Variants in ME1 observed in about 807,000 individuals in gnomAD.
ME1 encodes the protein malic enzyme 1, also known as NADP-dependent malic enzyme.
In ME1, 74 loss-of-function variants were observed where a neutral mutation model predicts 66.4. The ratio of observed to expected loss-of-function variants is 1.11; its 90% CI spans 0.92 to 1.35. ME1 has a LOEUF of 1.35. Among genes scored for constraint, ME1 ranks in the 40% most tolerant of loss-of-function variants. The pLI is 0.00. For missense variants in ME1, 750 were observed against 694.1 expected (o/e 1.08, Z -0.90); for synonymous variants, 251 against 235.6 (o/e 1.07, Z -0.60).
chr6:83,357,935 C>CTCTCTCTCTCTCTCTCTCTCTATATATA (rs1447805761), intron 3 of ME1, among the ~76,000 whole-genome samples: 2 of 30,038 alleles, frequency 6.7e-5, no homozygotes, highest in Non-Finnish European at 1.2e-4. Flanking sequence ...CTCTCTCTCT[C>CTCTCTCTCTCTCTCTCTCTCTATATATA]TATATATATA....
intron 6 of ME1, among the ~76,000 whole-genome samples, chr6:83,274,949 A>G (rs1767149149): frequency 6.6e-6 from 1 of 152,244 alleles, no homozygotes; most frequent in Admixed American, 6.5e-5. Flanking sequence ...AAAATGCCCC[A>G]GGAAAGTACA....
chr6:83,228,681 A>G, intron 10 of ME1, 145 bp downstream of exon 10: 1 of 557,320 alleles, frequency 1.8e-6, no homozygotes. Context: ...TTAAAAATCT[A>G]GGTCTCTACA....
chr6:83,352,213 A>C (rs1257346029), intron 3 of ME1, 74 bp from the exon 4 acceptor site: 4 of 964,452 alleles, frequency 4.1e-6, no homozygotes, highest in African/African-American at 3.5e-5. Flanking sequence ...GAATATCTTA[A>C]ATTTTTTTTC....
Position 83,227,433 on chromosome 6 carries a change from C to G in ME1, c.1177G>C (p.Asp393His). 6.2e-7 allele frequency: 1 copy of G among 1,602,732 alleles called. No individual in the cohort carries two copies. Among genetic ancestry groups the G allele is most frequent in the East Asian group, 2.2e-5 (1 of 44,634 alleles). Residue 393 changes from aspartate to histidine, a missense_variant, in exon 11 of 14, where the codon GAT (aspartate) becomes CAT (histidine). By Grantham distance (81) the Asp-to-His change is moderately conservative. Transcript: ENST00000369705. ...GGCCGTTCATTGAAGGCAGCCATATCTTTGAGAATTTGTTCTGAGAATGCA... is the reference window on the plus strand; with the variant it reads ...GGCCGTTCATTGAAGGCAGCCATATGTTTGAGAATTTGTTCTGAGAATGCA... ...GGAFSEQILK[D>H]MAAFNERPII...
intron 12 of ME1, among the ~76,000 whole-genome samples, chr6:83,220,661 G>A (rs1186807698): frequency 6.6e-6 from 1 of 152,106 alleles, no homozygotes; most frequent in African/African-American, 2.4e-5. Context: ...ATATAATCTA[G>A]ACAAGAAGTA....
intron 5 of ME1, among the ~76,000 whole-genome samples, chr6:83,342,807 C>T (rs551206150): frequency 6.6e-6 from 1 of 152,148 alleles, no homozygotes; most frequent in Non-Finnish European, 1.5e-5. Flanking sequence ...CTGCCTCAGC[C>T]TCCCAAGTAG....
At chr6:83,317,564 G>C (rs1353181525) in intron 5 of ME1, among the ~76,000 whole-genome samples, 1 of 151,670 alleles carries the variant, frequency 6.6e-6, no homozygotes, top group African/African-American at 2.4e-5. Context: ...GAGATTTTGG[G>C]CTGAGACAAT....
chr6:83,358,577 C>T (rs1372501260), intron 3 of ME1, among the ~76,000 whole-genome samples: 1 of 152,120 alleles, frequency 6.6e-6, no homozygotes, highest in Non-Finnish European at 1.5e-5. Flanking sequence ...CACAGCCTTG[C>T]CAGGTGTCTA....
chr6:83,297,316 A>G (rs901773761), intron 6 of ME1, among the ~76,000 whole-genome samples: 4 of 152,206 alleles, frequency 2.6e-5, no homozygotes, highest in African/African-American at 9.6e-5. Flanking sequence ...GAGACAACAC[A>G]AACAAATAGA....
At chr6:83,333,374 T>C (rs1178387382) in intron 5 of ME1, among the ~76,000 whole-genome samples, 2 of 152,200 alleles carry the variant, frequency 1.3e-5, no homozygotes, top group African/African-American at 4.8e-5. Context: ...ACATTTTAAA[T>C]GAACTCATAG....
At chr6:83,247,532 A>G (rs1790646957) in intron 7 of ME1, among the ~76,000 whole-genome samples, 1 of 149,618 alleles carries the variant, frequency 6.7e-6, no homozygotes, top group African/African-American at 2.4e-5. Context: ...AATGTGTTTA[A>G]AAAAAAAAAG....
chr6:83,332,386 C>A (rs1768431007), intron 5 of ME1, among the ~76,000 whole-genome samples: 1 of 152,170 alleles, frequency 6.6e-6, no homozygotes, highest in South Asian at 2.1e-4. Flanking sequence ...ACTATTCAAT[C>A]CAGCAATCCC....
rs1296058390 is a variant in ME1, at chr6:83,352,129, TAA to T, written c.371_372del (p.Phe124TyrfsTer28). 1 of 1,343,208 alleles carries T rather than the reference TAA, an allele frequency of 7.4e-7. No homozygotes were observed. The highest frequency in any genetic ancestry group is 1.0e-6 in the Non-Finnish European group (1 of 994,048). The allele number at this position is 1,343,208 out of a possible 1,614,324, so 83.2% of individuals were successfully genotyped here. A position where few individuals can be genotyped will look rare whatever the true frequency, so the allele number is the denominator to read the frequency against. On this transcript the variant is annotated frameshift_variant, in exon 4 of 14. Coordinates refer to ENST00000369705, the MANE Select transcript of ME1 (RefSeq NM_002395.6). LOFTEE classifies it high-confidence loss of function. ...ATATGCCCTCGATCGTGGATAGTAA[TAA>T]AGAGACCTCTGCAGAAAAAAAAAAA... is the stretch of plus-strand genomic sequence containing the variant. ...SLVFRKPRGL[F>X]ITIHDRGHIA...
chr6:83,235,704 C>A (rs1288527805), intron 9 of ME1, among the ~76,000 whole-genome samples: 1 of 152,026 alleles, frequency 6.6e-6, no homozygotes, highest in South Asian at 2.1e-4. Flanking sequence ...GATCTCCTGA[C>A]CTCGTGATCC....
chr6:83,321,985 C>G (rs988775131), intron 5 of ME1, among the ~76,000 whole-genome samples: 1 of 152,194 alleles, frequency 6.6e-6, no homozygotes, highest in Non-Finnish European at 1.5e-5. Context: ...GTTCTGCAGC[C>G]TCCGCTGGTG....
At chr6:83,425,454 A>C (rs1770351269) in intron 1 of ME1, among the ~76,000 whole-genome samples, 1 of 152,168 alleles carries the variant, frequency 6.6e-6, no homozygotes. Context: ...GGAAACATAC[A>C]ATCATGGCGG....
intron 3 of ME1, among the ~76,000 whole-genome samples, chr6:83,378,460 G>C (rs987714216): frequency 6.6e-6 from 1 of 151,802 alleles, no homozygotes; most frequent in Admixed American, 6.6e-5. Flanking sequence ...TCTCTACTTG[G>C]TATTTTTTTC....
At chr6:83,322,340 G>A (rs1414803098) in intron 5 of ME1, among the ~76,000 whole-genome samples, 1 of 152,096 alleles carries the variant, frequency 6.6e-6, no homozygotes, top group Non-Finnish European at 1.5e-5. Flanking sequence ...CAGAAGGTGG[G>A]TAATAACAAA....
intron 5 of ME1, among the ~76,000 whole-genome samples, chr6:83,326,387 A>G (rs567175926): frequency 6.6e-6 from 1 of 152,328 alleles, no homozygotes; most frequent in Admixed American, 6.5e-5. Flanking sequence ...AAAATTGACA[A>G]ATGGGATCTA....
Sources: allele counts gnomAD v4.1 joint callset (sites outside exome capture counted in the v4.1 genomes callset), GRCh38; gene constraint gnomAD v4.1.1; transcripts MANE v1.5; gene names NCBI Gene and HGNC (gene_info 2026-07-23, HGNC 2026-07-21).